The following FANCC variants were observed in gnomAD, a reference collection of about 807,000 sequenced individuals.
FANCC encodes the protein FA complementation group C.
In FANCC, 55 loss-of-function variants were observed where a neutral mutation model predicts 71.3. That is an observed-to-expected ratio of 0.77 (90% CI 0.62 to 0.97). FANCC has a LOEUF of 0.97. FANCC is among the 50% of genes least tolerant of loss of function. The pLI, the probability that FANCC is intolerant of heterozygous loss-of-function variation, is 0.00. For missense variants in FANCC, 678 were observed against 670.9 expected, an observed-to-expected ratio of 1.01 and a Z score of -0.12; for synonymous variants, 275 against 244.9, an observed-to-expected ratio of 1.12 and a Z score of -1.15.
intron 12 of FANCC, among the ~76,000 whole-genome samples, chr9:95,113,309 A>T (rs1421873999): frequency 6.6e-6 from 1 of 152,256 alleles, no homozygotes; most frequent in African/African-American, 2.4e-5. Flanking sequence ...GAGACTACAG[A>T]GAATTCCAGG....
At chr9:95,252,995 C>G (rs915950047) in intron 1 of FANCC, among the ~76,000 whole-genome samples, 3 of 151,446 alleles carry the variant, frequency 2.0e-5, no homozygotes, top group African/African-American at 4.9e-5. Context: ...GAGTTCAAGG[C>G]CTCTGTGAGC....
chr9:95,279,402 A>G (rs1471296336), intron 1 of FANCC, among the ~76,000 whole-genome samples: 13 of 150,952 alleles, frequency 8.6e-5, no homozygotes, highest in Admixed American at 8.6e-4. Context: ...TTTCATGGGC[A>G]GCAAAGGAAG....
intron 4 of FANCC, among the ~76,000 whole-genome samples, chr9:95,224,193 G>T (rs1033148983): frequency 6.6e-6 from 1 of 152,062 alleles, no homozygotes; most frequent in Non-Finnish European, 1.5e-5. Context: ...GTTCCTACTT[G>T]ATGGGTCTTT....
At position 95,249,325 on chromosome 9, in the gene FANCC, AG is replaced by A; in HGVS notation, c.-35del. The A allele has an allele frequency of 6.2e-7, 1 of 1,607,176 alleles. No homozygotes were observed. The highest frequency in any genetic ancestry group is 8.5e-7 in the Non-Finnish European group (1 of 1,174,434). On this transcript the variant is annotated 5_prime_UTR_variant, in exon 2 of 15. Transcript: ENST00000289081. ...AAGCGAAAAGGTGATGTCCCTTCAC[AG>A]CAGCCTGTCCAGCACTGAAGGAAAT...
At chr9:95,189,388 G>C (rs146992818) in intron 4 of FANCC, among the ~76,000 whole-genome samples, 4 of 152,216 alleles carry the variant, frequency 2.6e-5, no homozygotes, top group African/African-American at 9.6e-5. Context: ...CCCAGCGCCC[G>C]TTGTTTACAT....
In FANCC at chr9:95,126,584, G is replaced by C. The variant is rs1188141716; in HGVS notation, c.844-3C>G. The C allele has an allele frequency of 6.2e-7, 1 of 1,613,850 alleles. No individual in the cohort carries two copies. Among genetic ancestry groups the C allele is most frequent in the Non-Finnish European group, 8.5e-7 (1 of 1,179,894 alleles). ...GCAGGGTGGCAGGCTGCTTGAGGCT[G>C]TAAAAGGAGAAGACCATGAGAATGT... On this transcript the variant is annotated splice_polypyrimidine_tract_variant and splice_region_variant and intron_variant, in intron 8 of 14. Coordinates refer to ENST00000289081, the MANE Select transcript of FANCC (RefSeq NM_000136.3).
chr9:95,134,181 A>C (rs1827302893), intron 8 of FANCC, among the ~76,000 whole-genome samples: 1 of 152,216 alleles, frequency 6.6e-6, no homozygotes, highest in Non-Finnish European at 1.5e-5. Context: ...GAAAGGGGCC[A>C]TGAAACAAGG....
intron 13 of FANCC, chr9:95,109,468 C>G (rs963439004): frequency 1.6e-4 from 24 of 150,996 alleles, no homozygotes; most frequent in African/African-American, 5.8e-4. Context: ...CTTTTTTTCT[C>G]TAGGCATCAT....
intron 7 of FANCC, among the ~76,000 whole-genome samples, chr9:95,148,139 A>C (rs955293574): frequency 2.6e-5 from 4 of 152,224 alleles, no homozygotes; most frequent in Non-Finnish European, 5.9e-5. Context: ...GCATTTTCAC[A>C]TATGAATGTC....
chr9:95,260,791 TG>T (rs1287783237), intron 1 of FANCC, among the ~76,000 whole-genome samples: 2 of 151,980 alleles, frequency 1.3e-5, no homozygotes, highest in African/African-American at 4.8e-5. Flanking sequence ...TGAATAAAGA[TG>T]GACAGTACTT....
At chr9:95,306,485 T>C (rs1310597866) in intron 1 of FANCC, among the ~76,000 whole-genome samples, 1 of 152,192 alleles carries the variant, frequency 6.6e-6, no homozygotes, top group Non-Finnish European at 1.5e-5. Flanking sequence ...CATAGGAAGC[T>C]TCAGCCCCCC....
intron 6 of FANCC, among the ~76,000 whole-genome samples, chr9:95,158,375 G>A (rs751470330): frequency 6.6e-5 from 10 of 152,090 alleles, no homozygotes; most frequent in South Asian, 2.1e-4. Context: ...GTAAGAGAAC[G>A]ATGATAAAGC....
intron 8 of FANCC, among the ~76,000 whole-genome samples, chr9:95,131,328 G>T (rs1389440975): frequency 6.6e-6 from 1 of 152,228 alleles, no homozygotes; most frequent in Non-Finnish European, 1.5e-5. Flanking sequence ...CAAGCTGGAA[G>T]AAAGCTCCTC....
intron 4 of FANCC, among the ~76,000 whole-genome samples, chr9:95,200,921 T>C (rs1313153862): frequency 6.6e-6 from 1 of 152,234 alleles, no homozygotes; most frequent in African/African-American, 2.4e-5. Flanking sequence ...ATCATGAACA[T>C]AGTCAAGTGT....
intron 1 of FANCC, among the ~76,000 whole-genome samples, chr9:95,291,967 A>AATATAT (rs34066396): frequency 0.014 from 685 of 50,306 alleles, 25 homozygotes; most frequent in Admixed American, 0.032. Context: ...AAAAAAAAAA[A>AATATAT]ATATATATAT....
intron 4 of FANCC, among the ~76,000 whole-genome samples, chr9:95,177,168 C>T (rs1418681828): frequency 6.6e-6 from 1 of 152,184 alleles, no homozygotes; most frequent in African/African-American, 2.4e-5. Flanking sequence ...CAGCCTGCTG[C>T]ACACCTAGGC....
At chr9:95,188,708 C>A (rs1826888540) in intron 4 of FANCC, among the ~76,000 whole-genome samples, 1 of 152,190 alleles carries the variant, frequency 6.6e-6, no homozygotes, top group Non-Finnish European at 1.5e-5. Flanking sequence ...CTCTTTGTTT[C>A]CCACTAACTG....
chr9:95,172,159 A>G lies in FANCC; in HGVS notation c.346-12T>C, dbSNP rs769706832. ...TGAGATAATACACCCTAAAAAACAT[A>G]AACAGAAAAAGTTAACTTCTTTAAA... On this transcript the variant is annotated splice_polypyrimidine_tract_variant and intron_variant, in intron 4 of 14. Transcript: ENST00000289081. 3.2e-6 allele frequency: 5 copies of G among 1,554,480 alleles called. No homozygotes were observed. The East Asian group carries it at 9.0e-5, about 28-fold the overall frequency.
intron 7 of FANCC, among the ~76,000 whole-genome samples, chr9:95,142,294 C>T (rs976761775): frequency 4.6e-5 from 7 of 151,754 alleles, no homozygotes; most frequent in African/African-American, 1.5e-4. Context: ...TGCCCGGCCA[C>T]CAACAGTTTT....
Sources: gnomAD v4.1 joint callset for allele counts (sites outside exome capture counted in the v4.1 genomes callset) on GRCh38, gnomAD v4.1.1 for gene constraint, MANE v1.5 for transcripts, NCBI Gene and HGNC (gene_info 2026-07-23, HGNC 2026-07-21) for gene names.